Variants in HDAC8 observed in about 807,000 individuals in gnomAD.
The protein encoded by HDAC8 is histone deacetylase 8, also known as histone deacetylase-like 1.
Under a neutral mutation model 32.2 loss-of-function variants are expected in HDAC8, and 1 was observed. The ratio of observed to expected loss-of-function variants is 0.03; its 90% confidence interval spans 0.01 to 0.15. The LOEUF (loss-of-function observed/expected upper bound fraction) is 0.15. HDAC8 is among the 10% of genes least tolerant of loss of function. The pLI is 1.00. For synonymous variants in HDAC8, 108 were observed against 113.9 expected (o/e 0.95, Z 0.33); for missense variants, 117 against 300.0 (o/e 0.39, Z 4.51).
chrX:72,471,674 C>T, intron 7 of HDAC8, among the ~76,000 whole-genome samples: 1 of 111,624 alleles, frequency 9.0e-6, no homozygotes, highest in South Asian at 3.8e-4. Flanking sequence ...TCTATTTCAA[C>T]CCTTTGCCCA....
At chrX:72,336,664 C>A (rs1453418663) in intron 10 of HDAC8, among the ~76,000 whole-genome samples, 3 of 111,632 alleles carry the variant, frequency 2.7e-5, no homozygotes, top group African/African-American at 9.8e-5. Flanking sequence ...GCAATCCTCC[C>A]TCCTAAGCCT....
At chrX:72,426,300 T>C (rs782392302) in intron 9 of HDAC8, among the ~76,000 whole-genome samples, 2 of 111,976 alleles carry the variant, frequency 1.8e-5, no homozygotes, top group Non-Finnish European at 3.8e-5. Flanking sequence ...GGTGTAGGAA[T>C]GGCTTCAGGA....
intron 9 of HDAC8, among the ~76,000 whole-genome samples, chrX:72,354,168 G>C: frequency 8.9e-6 from 1 of 112,342 alleles, no homozygotes; most frequent in Middle Eastern, 4.6e-3. Context: ...GAGCGACACG[G>C]TAGGCACAGT....
chrX:72,360,352 C>CA (rs148601239), intron 9 of HDAC8, among the ~76,000 whole-genome samples: 7,365 of 100,531 alleles, frequency 0.073, 602 homozygotes, highest in African/African-American at 0.23. Context: ...GAGACTCCGT[C>CA]AAAAAAAAAA....
chrX:72,333,466 A>G (rs1008474618), intron 10 of HDAC8, among the ~76,000 whole-genome samples: 22 of 111,693 alleles, frequency 2.0e-4, no homozygotes, highest in Non-Finnish European at 3.8e-4. Flanking sequence ...AGGTGGATGC[A>G]TCACCTGAGG....
In HDAC8 at chrX:72,495,209, C is replaced by T. The variant is rs1368995579; in HGVS notation, c.497G>A (p.Arg166Gln). The part of the protein sequence containing the change: ...NDAVLGILRL[R>Q]RKFERILYVD... ...GTAGAGAATACGCTCAAATTTCCGT[C>T]GCAATCGTAATATTCCCAGGACAGC... Residue 166 changes from arginine (R) to glutamine (Q), a missense_variant, in exon 5 of 11, where the codon CGA becomes CAA. This residue lies in a region of HDAC8 where 57 missense variants were observed against 182.0 expected (regional missense o/e 0.31). Transcript: ENST00000373573. The T allele has an allele frequency of 2.5e-6, 3 of 1,207,261 alleles. No individual in the cohort carries two copies. The highest frequency in any genetic ancestry group is 3.4e-6 in the Non-Finnish European group (3 of 893,358).
At chrX:72,379,534 G>A (rs2045206930) in intron 9 of HDAC8, among the ~76,000 whole-genome samples, 1 of 72,902 alleles carries the variant, frequency 1.4e-5, no homozygotes. Flanking sequence ...GTCTTACTCT[G>A]TCACCCAGGC....
rs143991817 is a variant in HDAC8 at position 72,536,481 on chromosome X, C to T, written c.437+31408G>A. 2.8e-4 allele frequency among the ~76,000 whole-genome samples: 31 copies of T among 112,073 alleles called. No individual in the cohort carries two copies. The East Asian group carries it at 8.7e-3, about 31-fold the overall frequency. The stretch of plus-strand genomic sequence containing the variant: ...AGTTTTAACTATTGTAATTATGAAA[C>T]TCACATTTTTTCTCTCATTAAGCCC... On this transcript the variant is annotated intron_variant, in intron 4 of 10. Coordinates refer to ENST00000373573, the MANE Select transcript of HDAC8 (RefSeq NM_018486.3).
In HDAC8 at chrX:72,547,904, C is replaced by T. The variant is rs375463533; in HGVS notation, c.437+19985G>A. ...AGCCAGAAACCTGAGTTATCTTCCT[C>T]ATCTTTCATCTCCTCCCACATCTAG... On this transcript the variant is annotated intron_variant, in intron 4 of 10. Coordinates refer to ENST00000373573, the MANE Select transcript of HDAC8 (RefSeq NM_018486.3). 4.7e-4 allele frequency among the ~76,000 whole-genome samples: 52 copies of T among 111,689 alleles called. 1 individual carries two copies. The South Asian group carries it at 0.019, about 41-fold the overall frequency.
At chrX:72,509,849 TCA>T (rs782125476) in intron 4 of HDAC8, among the ~76,000 whole-genome samples, 1 of 111,576 alleles carries the variant, frequency 9.0e-6, no homozygotes, top group Non-Finnish European at 1.9e-5. Flanking sequence ...TAGTCAATTT[TCA>T]CAGTTTTCCC....
intron 10 of HDAC8, chrX:72,351,413 T>C (rs2044176881): frequency 3.9e-6 from 1 of 257,260 alleles, no homozygotes; most frequent in East Asian, 7.9e-5. Flanking sequence ...TTTTCTCATC[T>C]TAAAGAGTGC....
intron 9 of HDAC8, among the ~76,000 whole-genome samples, chrX:72,371,676 T>C (rs965259001): frequency 2.7e-5 from 3 of 112,143 alleles, no homozygotes; most frequent in African/African-American, 9.7e-5. Context: ...TCCTGGAAGT[T>C]GGGTCCTGTA....
chrX:72,349,424 T>G (rs1345684342), intron 10 of HDAC8, among the ~76,000 whole-genome samples: 1 of 112,577 alleles, frequency 8.9e-6, no homozygotes, highest in East Asian at 2.8e-4. Flanking sequence ...TAATTCTCTT[T>G]TAGCAAAATG....
At chrX:72,463,183 C>T (rs782236855) in intron 8 of HDAC8, among the ~76,000 whole-genome samples, 8 of 111,193 alleles carry the variant, frequency 7.2e-5, no homozygotes, top group East Asian at 2.8e-4. Context: ...ACTCCTGACA[C>T]GGAAAAATCT....
At position 72,400,137 on chromosome X, in the gene HDAC8, C is replaced by T. The variant is rs186556085; in HGVS notation, c.1006-48299G>A. Among the ~76,000 whole-genome samples, 101 of 111,739 alleles carry T rather than the reference C, an allele frequency of 9.0e-4. 1 individual carries two copies. Among genetic ancestry groups the T allele is most frequent in the Middle Eastern group, 4.6e-3 (1 of 217 alleles). ...CTCTCAGTCTTCTTTGCTAGTTCTTCCTCATTTCTCCAACATTTTAATGTT... is the reference window on the plus strand; with the variant it reads ...CTCTCAGTCTTCTTTGCTAGTTCTTTCTCATTTCTCCAACATTTTAATGTT... On this transcript the variant is annotated intron_variant, in intron 9 of 10. Coordinates refer to ENST00000373573, the MANE Select transcript of HDAC8 (RefSeq NM_018486.3).
chrX:72,570,531 C>T (rs2051983628), intron 2 of HDAC8, among the ~76,000 whole-genome samples: 1 of 107,567 alleles, frequency 9.3e-6, no homozygotes. Flanking sequence ...ATCGCTTGAA[C>T]CTGGGAGGCG....
At chrX:72,351,694 G>A (rs782357452) in intron 10 of HDAC8, 39 bp downstream of exon 10, 2 of 1,024,039 alleles carry the variant, frequency 2.0e-6, no homozygotes, top group East Asian at 3.1e-5. Context: ...CACAAACTGG[G>A]TGGAACAAGG....
At chrX:72,465,845 TA>T (rs1420461174) in intron 7 of HDAC8, among the ~76,000 whole-genome samples, 8 of 111,842 alleles carry the variant, frequency 7.2e-5, no homozygotes, top group African/African-American at 2.6e-4. Flanking sequence ...AATCCATATG[TA>T]ACAAGGGTAT....
chrX:72,347,977 G>C (rs1279769938), intron 10 of HDAC8, among the ~76,000 whole-genome samples: 1 of 111,936 alleles, frequency 8.9e-6, no homozygotes, highest in Non-Finnish European at 1.9e-5. Flanking sequence ...CTAATGGGCA[G>C]TAAAGATGGG....
Sources: gnomAD v4.1 joint callset for allele counts (sites outside exome capture counted in the v4.1 genomes callset) on GRCh38, gnomAD v4.1.1 for gene constraint, gnomAD v4.1.1 regional missense constraint, MANE v1.5 for transcripts, NCBI Gene and HGNC (gene_info 2026-07-23, HGNC 2026-07-21) for gene names.